The following CTTN variants were observed in gnomAD, a reference collection of about 807,000 sequenced individuals.
CTTN encodes the protein cortactin.
A neutral mutation model predicts 84.0 loss-of-function variants in CTTN; 28 were observed. The ratio of observed to expected loss-of-function variants is 0.33; its 90% CI spans 0.25 to 0.46. The LOEUF (loss-of-function observed/expected upper bound fraction) is 0.46. CTTN is among the 20% of genes least tolerant of loss of function. The pLI is 1.00. For synonymous variants in CTTN, 301 were observed against 288.8 expected, an observed-to-expected ratio of 1.04 and a Z score of -0.43; for missense variants, 641 against 723.8, an observed-to-expected ratio of 0.89 and a Z score of 1.31.
intron 1 of CTTN, among the ~76,000 whole-genome samples, chr11:70,400,906 T>G (rs2057970977): frequency 6.6e-6 from 1 of 152,176 alleles, no homozygotes; most frequent in Non-Finnish European, 1.5e-5. Flanking sequence ...CTTGAGTAAG[T>G]GTGGTGTAGG....
chr11:70,400,366 T>A (rs1253232844), intron 1 of CTTN, among the ~76,000 whole-genome samples: 1 of 152,066 alleles, frequency 6.6e-6, no homozygotes, highest in South Asian at 2.1e-4. Flanking sequence ...CTTGGGGCGC[T>A]GAGGCAGAGG....
Position 70,435,663 on chromosome 11 carries a change from A to T in CTTN, c.*501A>T. On this transcript the variant is annotated 3_prime_UTR_variant, in exon 18 of 18. Coordinates refer to ENST00000301843, the MANE Select transcript of CTTN (RefSeq NM_005231.4). The stretch of plus-strand genomic sequence containing the variant: ...CTGGGCCTGATGGAAGTTAACCCGG[A>T]GCTAAGTCACCCAGAGCACAGGAGC... The T allele has an allele frequency of 3.8e-6, 6 of 1,596,950 alleles. No individual in the cohort carries two copies. Among genetic ancestry groups the T allele is most frequent in the Non-Finnish European group, 5.1e-6 (6 of 1,179,272 alleles).
In CTTN at chr11:70,436,096, C is replaced by T. The variant is rs1453729461; in HGVS notation, c.*934C>T. 21 of 1,425,400 alleles carry T rather than the reference C, an allele frequency of 1.5e-5. No individual in the cohort carries two copies. The highest frequency in any genetic ancestry group is 3.0e-5 in the Admixed American group (1 of 33,294). 88.3% of individuals were successfully genotyped at this position (1,425,400 alleles called of 1,614,324 possible). On this transcript the variant is annotated 3_prime_UTR_variant, in exon 18 of 18. Coordinates refer to ENST00000301843, the MANE Select transcript of CTTN (RefSeq NM_005231.4). ...AGGCAGTGCCTGCTCTGCTGTGAGC[C>T]GCCAGGAACCCTCCTCCTGTCAATG...
rs372461124 is a variant in CTTN, at chr11:70,401,481, AAAAAAG to A, written c.-98+2879_-98+2884del. Among the ~76,000 whole-genome samples the A allele has an allele frequency of 7.9e-4, 120 of 151,950 alleles. 1 individual carries two copies. Among genetic ancestry groups the A allele is most frequent in the African/African-American group, 2.8e-3 (115 of 41,438 alleles). On this transcript the variant is annotated intron_variant, in intron 1 of 17. Transcript: ENST00000301843. ...AAAGACTGAGACTCCATCTCAAAAG[AAAAAAG>A]AAAAAGAAAAATTAGCTGGGTGTAG...
rs753376962 is a variant in CTTN at position 70,412,401 on chromosome 11, C to T, written c.292-2141C>T. ...TCGCACCATTACAGTCCAGCCTGGG[C>T]GACAGAGAGAGACGCTGTCTCAGGA... On this transcript the variant is annotated intron_variant, in intron 5 of 17. Transcript: ENST00000301843. Among the ~76,000 whole-genome samples the T allele has an allele frequency of 3.9e-5, 6 of 151,996 alleles. No individual in the cohort carries two copies. The East Asian group carries it at 7.7e-4, about 20-fold the overall frequency.
chr11:70,431,093 C>A, intron 14 of CTTN, 98 bp from the exon 15 acceptor site: 2 of 1,250,168 alleles, frequency 1.6e-6, no homozygotes, highest in Non-Finnish European at 2.3e-6. Context: ...TTCCCCAGAG[C>A]ATGCCTAGAG....
chr11:70,436,238 C>T lies in CTTN; in HGVS notation c.*1076C>T. The stretch of plus-strand genomic sequence containing the variant: ...TCTTCCCCAAGGTCCCCCCACAGCT[C>T]CAGGACACCGCTGTCCTGGCATTTG... On this transcript the variant is annotated 3_prime_UTR_variant, in exon 18 of 18. Coordinates refer to ENST00000301843, the MANE Select transcript of CTTN (RefSeq NM_005231.4). 1 of 1,590,582 alleles carries T rather than the reference C, an allele frequency of 6.3e-7. No homozygotes were observed. Among genetic ancestry groups the T allele is most frequent in the South Asian group, 1.1e-5 (1 of 90,476 alleles).
chr11:70,413,163 G>A (rs956155954), intron 5 of CTTN, among the ~76,000 whole-genome samples: 2 of 152,224 alleles, frequency 1.3e-5, no homozygotes, highest in Admixed American at 6.5e-5. Flanking sequence ...TTTTCAATAG[G>A]GGAAATAGTG....
intron 15 of CTTN, among the ~76,000 whole-genome samples, 191 bp downstream of exon 15, chr11:70,431,471 G>A (rs2058353552): frequency 6.6e-6 from 1 of 152,074 alleles, no homozygotes; most frequent in African/African-American, 2.4e-5. Flanking sequence ...AGTGCTGTCA[G>A]GGGATAGCTG....
At chr11:70,412,966 G>A (rs1001368022) in intron 5 of CTTN, among the ~76,000 whole-genome samples, 9 of 152,136 alleles carry the variant, frequency 5.9e-5, no homozygotes, top group Non-Finnish European at 7.3e-5. Flanking sequence ...CCTTTGGCAC[G>A]TCTGCCTCTG....
At chr11:70,423,845 A>G (rs918628175) in intron 12 of CTTN, among the ~76,000 whole-genome samples, 2 of 152,200 alleles carry the variant, frequency 1.3e-5, no homozygotes, top group Non-Finnish European at 2.9e-5. Context: ...GTTAGCAGGC[A>G]AGGAACACTG....
chr11:70,410,459 G>A (rs2058085719), intron 5 of CTTN: 1 of 160,986 alleles, frequency 6.2e-6, no homozygotes, highest in African/African-American at 2.4e-5. Flanking sequence ...GCGCGTACCA[G>A]GCTGGGGACA....
At chr11:70,419,616 T>A in intron 8 of CTTN, 130 bp from the exon 9 acceptor site, 1 of 687,410 alleles carries the variant, frequency 1.5e-6, no homozygotes, top group Non-Finnish European at 2.5e-6. Flanking sequence ...CTTTAAATAC[T>A]GTCTGTATTA....
chr11:70,405,097 TA>T (rs1288117767), intron 1 of CTTN, among the ~76,000 whole-genome samples, 167 bp from the exon 2 acceptor site: 2 of 152,250 alleles, frequency 1.3e-5, no homozygotes, highest in Non-Finnish European at 2.9e-5. Context: ...ACTTTTTTAT[TA>T]GTAAAATGCA....
At chr11:70,407,764 G>A (rs2058059608) in intron 4 of CTTN, 173 bp downstream of exon 4, 1 of 596,934 alleles carries the variant, frequency 1.7e-6, no homozygotes, top group African/African-American at 1.9e-5. Context: ...ATGTGTATTT[G>A]TGTAATGTGT....
intron 9 of CTTN, 167 bp downstream of exon 9, chr11:70,420,023 A>T (rs2058212264): frequency 1.6e-6 from 1 of 633,384 alleles, no homozygotes; most frequent in Non-Finnish European, 2.8e-6. Context: ...ACAGCTGCTA[A>T]ATAGGAACTC....
At chr11:70,429,000 G>T in intron 13 of CTTN, 51 bp from the exon 14 acceptor site, 5 of 1,605,282 alleles carry the variant, frequency 3.1e-6, no homozygotes, top group Non-Finnish European at 4.3e-6. Context: ...TTGTCCAGGA[G>T]CAGTGTTTTT....
chr11:70,416,981 C>T (rs771160064), intron 7 of CTTN, 32 bp from the exon 8 acceptor site: 13 of 1,489,258 alleles, frequency 8.7e-6, no homozygotes, highest in Admixed American at 5.0e-5. Context: ...CGTCCTCAGG[C>T]CCCCGTGCTA....
At chr11:70,431,322 G>A (rs760505933) in intron 15 of CTTN, 42 bp downstream of exon 15, 1 of 1,593,128 alleles carries the variant, frequency 6.3e-7, no homozygotes, top group East Asian at 2.2e-5. Flanking sequence ...GTGACTTACT[G>A]CCAGAGCCCA....
Sources: allele counts gnomAD v4.1 joint callset (sites outside exome capture counted in the v4.1 genomes callset), GRCh38; gene constraint gnomAD v4.1.1; transcripts MANE v1.5; gene names NCBI Gene and HGNC (gene_info 2026-07-23, HGNC 2026-07-21).